The following CDC14A variants were observed in gnomAD, a reference collection of about 807,000 sequenced individuals.
CDC14A encodes cell division cycle 14A.
CDC14A carries 53 observed loss-of-function variants against 74.4 expected under a neutral mutation model. That is an observed-to-expected ratio of 0.71 (90% CI 0.57 to 0.89). CDC14A has a LOEUF of 0.89. Ranked by LOEUF, CDC14A falls within the 40% of genes least tolerant of loss-of-function variation. The pLI is 0.00. For synonymous variants in CDC14A, 247 were observed against 258.4 expected (o/e 0.96, Z 0.43); for missense variants, 646 against 713.7 (o/e 0.91, Z 1.08).
chr1:100,486,408 A>T (rs1470281651), intron 11 of CDC14A, among the ~76,000 whole-genome samples: 1 of 152,238 alleles, frequency 6.6e-6, no homozygotes, highest in Non-Finnish European at 1.5e-5. Flanking sequence ...AAGTGTATAT[A>T]AGTCTACTCC....
intron 2 of CDC14A, among the ~76,000 whole-genome samples, chr1:100,364,044 A>C (rs1653185458): frequency 6.6e-6 from 1 of 152,034 alleles, no homozygotes; most frequent in Non-Finnish European, 1.5e-5. Context: ...TGGGAGGATC[A>C]CTTGAGCTTA....
chr1:100,352,268 A>G (rs538631199), upstream of CDC14A, among the ~76,000 whole-genome samples: 1 of 152,296 alleles, frequency 6.6e-6, no homozygotes, highest in East Asian at 1.9e-4. Flanking sequence ...CGTTTCCTGA[A>G]CAGCAATTGG....
At chr1:100,382,211 C>CT (rs557184435) in intron 3 of CDC14A, among the ~76,000 whole-genome samples, 4,942 of 105,112 alleles carry the variant, frequency 0.047, 480 homozygotes, top group African/African-American at 0.15. Flanking sequence ...TTCCTCTATT[C>CT]TTTTTTTTTT....
chr1:100,384,732 A>T (rs2100969907), intron 3 of CDC14A, among the ~76,000 whole-genome samples: 1 of 152,358 alleles, frequency 6.6e-6, no homozygotes, highest in African/African-American at 2.4e-5. Flanking sequence ...ACACTGTTTA[A>T]AAAATTTTAA....
At chr1:100,460,937 A>G (rs1219442331) in intron 8 of CDC14A, among the ~76,000 whole-genome samples, 1 of 152,230 alleles carries the variant, frequency 6.6e-6, no homozygotes. Context: ...GACTTTAAGA[A>G]AAGGCTGGAG....
chr1:100,493,396 A>G (rs1647276131), intron 11 of CDC14A, among the ~76,000 whole-genome samples: 1 of 152,204 alleles, frequency 6.6e-6, no homozygotes, highest in Admixed American at 6.5e-5. Context: ...CAGCCTAGTG[A>G]AGCTAAGCTC....
intron 2 of CDC14A, among the ~76,000 whole-genome samples, chr1:100,354,706 A>C (rs1210423420): frequency 1.3e-5 from 2 of 152,250 alleles, no homozygotes; most frequent in Non-Finnish European, 2.9e-5. Flanking sequence ...GGTGTTTCAG[A>C]GGAGTCTAAT....
intron 8 of CDC14A, among the ~76,000 whole-genome samples, chr1:100,460,100 G>C (rs1001069356): frequency 2.0e-5 from 3 of 152,148 alleles, no homozygotes; most frequent in African/African-American, 7.2e-5. Flanking sequence ...CCAGGCACCA[G>C]AAATTGAGTA....
intron 2 of CDC14A, among the ~76,000 whole-genome samples, chr1:100,365,333 G>T (rs1653415789): frequency 6.6e-6 from 1 of 152,178 alleles, no homozygotes; most frequent in Admixed American, 6.5e-5. Context: ...ACAGAACAGA[G>T]AACATCAAAT....
intron 4 of CDC14A, among the ~76,000 whole-genome samples, chr1:100,421,724 AG>A (rs560737445): frequency 7.7e-4 from 117 of 152,236 alleles, no homozygotes; most frequent in Admixed American, 2.1e-3. Flanking sequence ...TGGGCTTTGG[AG>A]TCAGCCCACT....
intron 4 of CDC14A, chr1:100,393,725 G>T: frequency 5.4e-6 from 2 of 370,902 alleles, no homozygotes; most frequent in Non-Finnish European, 5.2e-6. Flanking sequence ...GGAGGCTGAG[G>T]CGGGCGGATC....
chr1:100,474,262 G>A, intron 10 of CDC14A, among the ~76,000 whole-genome samples: 1 of 152,074 alleles, frequency 6.6e-6, no homozygotes, highest in East Asian at 1.9e-4. Flanking sequence ...AAATTTTTAT[G>A]TCCATATTCA....
At chr1:100,488,417 G>A (rs1670266400) in intron 11 of CDC14A, among the ~76,000 whole-genome samples, 1 of 152,148 alleles carries the variant, frequency 6.6e-6, no homozygotes, top group Admixed American at 6.5e-5. Flanking sequence ...CAAAGTTTGT[G>A]CCCTCAGCCA....
chr1:100,359,034 G>C (rs547130853), intron 2 of CDC14A, among the ~76,000 whole-genome samples: 1 of 152,126 alleles, frequency 6.6e-6, no homozygotes, highest in Non-Finnish European at 1.5e-5. Context: ...AGAGCCTTAC[G>C]GTCATCATTT....
At chr1:100,451,246 C>T (rs1328291561) in intron 7 of CDC14A, among the ~76,000 whole-genome samples, 3 of 152,104 alleles carry the variant, frequency 2.0e-5, no homozygotes, top group African/African-American at 7.2e-5. Context: ...ATTTTTGCAC[C>T]CTGCTGTTGT....
chr1:100,433,707 G>A (rs1253494438), intron 5 of CDC14A, among the ~76,000 whole-genome samples: 1 of 152,012 alleles, frequency 6.6e-6, no homozygotes, highest in Non-Finnish European at 1.5e-5. Context: ...GTGTAAATAT[G>A]TTCTTTCATC....
At chr1:100,398,234 C>G (rs1374886140) in intron 4 of CDC14A, among the ~76,000 whole-genome samples, 3 of 152,172 alleles carry the variant, frequency 2.0e-5, no homozygotes, top group Non-Finnish European at 4.4e-5. Context: ...GGCAGGGAAG[C>G]TGTGTGGCCT....
At chr1:100,475,517 T>G (rs1371898244) in intron 10 of CDC14A, among the ~76,000 whole-genome samples, 1 of 152,194 alleles carries the variant, frequency 6.6e-6, no homozygotes, top group Non-Finnish European at 1.5e-5. Flanking sequence ...GTATCTGGCT[T>G]CTTACACTGC....
chr1:100,385,431 A>G (rs1656698480), intron 3 of CDC14A, among the ~76,000 whole-genome samples: 3 of 152,374 alleles, frequency 2.0e-5, no homozygotes, highest in African/African-American at 7.2e-5. Flanking sequence ...TGTTAAGAGA[A>G]TGAAATATAA....
Sources: allele counts gnomAD v4.1 joint callset (sites outside exome capture counted in the v4.1 genomes callset), GRCh38; gene constraint gnomAD v4.1.1; transcripts MANE v1.5; gene names NCBI Gene and HGNC (gene_info 2026-07-23, HGNC 2026-07-21).